Variants in RANBP2 observed in about 807,000 individuals in gnomAD.
RANBP2 encodes RAN binding protein 2.
A neutral mutation model predicts 303.6 loss-of-function variants in RANBP2; 57 were observed. The ratio of observed to expected loss-of-function variants is 0.19; its 90% CI spans 0.15 to 0.23. The LOEUF is 0.23. Among genes scored for constraint, RANBP2 ranks in the 10% least tolerant of loss-of-function variants. RANBP2 has a pLI of 1.00. For synonymous variants in RANBP2, 1,167 were observed against 1,301.5 expected, an observed-to-expected ratio of 0.90 and a Z score of 2.23; for missense variants, 3,138 against 3,780.8, an observed-to-expected ratio of 0.83 and a Z score of 4.46.
the RANBP2 span, among the ~76,000 whole-genome samples, chr2:109,349,685 G>A: frequency 6.6e-6 from 1 of 152,232 alleles, no homozygotes; most frequent in Non-Finnish European, 1.5e-5. Context: ...TCCTCCAGGG[G>A]CCTCACAGGA....
At chr2:109,492,124 T>C in the RANBP2 span, among the ~76,000 whole-genome samples, 1 of 152,246 alleles carries the variant, frequency 6.6e-6, no homozygotes, top group African/African-American at 2.4e-5. Context: ...ACACACTGTA[T>C]GTAGATGAAT....
chr2:109,501,133 T>C, the RANBP2 span, among the ~76,000 whole-genome samples: 2 of 151,946 alleles, frequency 1.3e-5, no homozygotes, highest in East Asian at 1.9e-4. Flanking sequence ...GGACACAGTT[T>C]TTCCTGACCC....
chr2:109,398,982 T>C, the RANBP2 span: 4 of 1,563,686 alleles, frequency 2.6e-6, no homozygotes, highest in Admixed American at 7.1e-5. Context: ...CCCTGGGTTC[T>C]CTGGGGTTCT....
chr2:109,408,722 C>G, the RANBP2 span, among the ~76,000 whole-genome samples: 1 of 152,254 alleles, frequency 6.6e-6, no homozygotes, highest in East Asian at 1.9e-4. Context: ...AAAGTCCACC[C>G]CTCCTGCAGC....
chr2:108,981,529 C>T, the RANBP2 span, among the ~76,000 whole-genome samples: 1 of 152,228 alleles, frequency 6.6e-6, no homozygotes, highest in South Asian at 2.1e-4. Context: ...CAAACAACAC[C>T]TGTCCAGGAT....
chr2:109,162,845 C>T, the RANBP2 span, among the ~76,000 whole-genome samples: 1 of 151,274 alleles, frequency 6.6e-6, no homozygotes, highest in Non-Finnish European at 1.5e-5. Context: ...GGGTCCTTTT[C>T]TCACCTTGGT....
intron 7 of RANBP2, among the ~76,000 whole-genome samples, chr2:108,742,779 A>G (rs916225441): frequency 3.9e-5 from 6 of 151,934 alleles, no homozygotes; most frequent in Non-Finnish European, 8.8e-5. Context: ...CAAGTAACTG[A>G]TAGTTCTTAT....
At chr2:109,191,926 A>G in the RANBP2 span, among the ~76,000 whole-genome samples, 1 of 152,182 alleles carries the variant, frequency 6.6e-6, no homozygotes, top group Non-Finnish European at 1.5e-5. Context: ...TGCTTAACAA[A>G]AACAGTTGAA....
At chr2:109,387,345 T>C in the RANBP2 span, among the ~76,000 whole-genome samples, 75,862 of 152,026 alleles carry the variant, frequency 0.5, 19,370 homozygotes, top group South Asian at 0.6. Context: ...GCCCTCCGGT[T>C]CCCCATCTCA....
At chr2:109,585,108 CAAG>C in the RANBP2 span, 1 of 1,472,052 alleles carries the variant, frequency 6.8e-7, no homozygotes. Flanking sequence ...TGTTTTATTA[CAAG>C]AAGAAAACAC....
At chr2:109,479,048 T>G in the RANBP2 span, among the ~76,000 whole-genome samples, 1 of 151,910 alleles carries the variant, frequency 6.6e-6, no homozygotes, top group Non-Finnish European at 1.5e-5. Flanking sequence ...GTCTGGCGGG[T>G]GGTGTTGACT....
In RANBP2 at chr2:108,765,791, G is replaced by C. The variant is rs373706304; in HGVS notation, c.5252G>C (p.Ser1751Thr). The part of the protein sequence containing the change: ...ATKCIACQCP[S>T]KQNQTTAIST... ...AAATGTATTGCTTGTCAGTGTCCAAGTAAACAAAATCAAACAACTGCAATT... is the reference window on the plus strand; with the variant it reads ...AAATGTATTGCTTGTCAGTGTCCAACTAAACAAAATCAAACAACTGCAATT... The change falls in exon 20 of 29, where the codon AGT becomes ACT. Residue 1751 changes from serine to threonine, a missense_variant. Physicochemically the swap from Ser to Thr is moderately conservative, Grantham distance 58 (BLOSUM62 1). Around this residue, in one of 20 missense-constraint regions of RANBP2, gnomAD observed 348 missense variants for 360.4 expected, o/e 0.97. Transcript: ENST00000283195. 6.2e-7 allele frequency: 1 copy of C among 1,613,366 alleles called. No individual in the cohort carries two copies. The highest frequency in any genetic ancestry group is 1.3e-5 in the African/African-American group (1 of 74,750).
the RANBP2 span, among the ~76,000 whole-genome samples, chr2:109,390,721 A>G: frequency 2.6e-5 from 4 of 152,194 alleles, no homozygotes; most frequent in African/African-American, 9.6e-5. Context: ...GCCGCAGGGC[A>G]GCTGGAGGTT....
chr2:109,704,079 G>A, the RANBP2 span, among the ~76,000 whole-genome samples: 1 of 152,088 alleles, frequency 6.6e-6, no homozygotes. Context: ...AGTTTTATTG[G>A]CCCTGGGGTT....
chr2:108,740,780 A>G, intron 7 of RANBP2, 99 bp downstream of exon 7: 1 of 1,538,882 alleles, frequency 6.5e-7, no homozygotes, highest in Non-Finnish European at 8.7e-7. Context: ...ATGTGAACAA[A>G]CCTGTGGAAT....
the RANBP2 span, among the ~76,000 whole-genome samples, chr2:109,022,631 G>A: frequency 6.6e-6 from 1 of 152,168 alleles, no homozygotes; most frequent in African/African-American, 2.4e-5. Flanking sequence ...AGAGGGATGA[G>A]AAATTACCTA....
chr2:109,536,023 C>G, the RANBP2 span, among the ~76,000 whole-genome samples: 2 of 96,686 alleles, frequency 2.1e-5, no homozygotes, highest in African/African-American at 9.0e-5. Context: ...CTTGGATGTC[C>G]AGGCAGAAGT....
At chr2:108,811,767 C>T in the RANBP2 span, among the ~76,000 whole-genome samples, 1 of 152,076 alleles carries the variant, frequency 6.6e-6, no homozygotes, top group Non-Finnish European at 1.5e-5. Flanking sequence ...TACCCCTCTC[C>T]CCTCTTCCCT....
At chr2:109,427,033 A>T in the RANBP2 span, among the ~76,000 whole-genome samples, 1 of 152,000 alleles carries the variant, frequency 6.6e-6, no homozygotes, top group South Asian at 2.1e-4. Flanking sequence ...CAGTGGCATG[A>T]TCTCAGCTCA....
Sources: gnomAD v4.1 joint callset for allele counts (sites outside exome capture counted in the v4.1 genomes callset) on GRCh38, gnomAD v4.1.1 for gene constraint, gnomAD v4.1.1 regional missense constraint, MANE v1.5 for transcripts, NCBI Gene and HGNC (gene_info 2026-07-23, HGNC 2026-07-21) for gene names.